The following LSAMP variants were observed in gnomAD, a reference collection of about 807,000 sequenced individuals.
LSAMP encodes the protein limbic system associated membrane protein.
In LSAMP, 7 loss-of-function variants were observed where a neutral mutation model predicts 38.6. The observed-to-expected ratio is 0.18, with a 90% CI of 0.10 to 0.34. LSAMP has a LOEUF of 0.34. Ranked by LOEUF, LSAMP falls within the 10% of genes least tolerant of loss-of-function variation. The pLI is 1.00. For synonymous variants in LSAMP, 154 were observed against 166.8 expected (o/e 0.92, Z 0.59); for missense variants, 313 against 420.0 (o/e 0.75, Z 2.23).
Position 116,208,247 on chromosome 3 carries a change from T to G in LSAMP, c.156-121691A>C, listed in dbSNP as rs1489786871. Among the ~76,000 whole-genome samples the G allele has an allele frequency of 2.0e-5, 3 of 151,506 alleles. No individual in the cohort carries two copies. The East Asian group carries it at 5.8e-4, about 29-fold the overall frequency. ...TAGTTCTTGAGCCTTGGTTTTCAGC[T>G]CCATCAGCTCCTTTAAGCACTTCTC... On this transcript the variant is annotated intron_variant, in intron 1 of 6. Transcript: ENST00000490035.
At chr3:116,430,346 A>T (rs1172789909) in intron 1 of LSAMP, among the ~76,000 whole-genome samples, 1 of 152,212 alleles carries the variant, frequency 6.6e-6, no homozygotes, top group Non-Finnish European at 1.5e-5. Flanking sequence ...CATTAAAAAA[A>T]TCCAAAATAA....
chr3:115,978,450 C>T (rs539326218), intron 3 of LSAMP, among the ~76,000 whole-genome samples: 5 of 151,622 alleles, frequency 3.3e-5, no homozygotes, highest in Non-Finnish European at 7.4e-5. Context: ...GTACTCTTCC[C>T]ACCACATCAA....
intron 1 of LSAMP, among the ~76,000 whole-genome samples, chr3:116,174,011 A>G (rs1037252269): frequency 6.6e-6 from 1 of 151,946 alleles, no homozygotes; most frequent in East Asian, 1.9e-4. Context: ...CAGACTCAGA[A>G]CTTTTCCAAA....
intron 1 of LSAMP, among the ~76,000 whole-genome samples, chr3:116,341,888 T>C (rs967512799): frequency 6.6e-6 from 1 of 152,076 alleles, no homozygotes. Flanking sequence ...GATGTATTTA[T>C]GGAAAAAGGT....
intron 2 of LSAMP, among the ~76,000 whole-genome samples, chr3:116,085,267 A>G (rs996742604): frequency 1.3e-5 from 2 of 152,174 alleles, no homozygotes; most frequent in Non-Finnish European, 2.9e-5. Context: ...CGACTAAAGC[A>G]CCCCTGCACC....
At chr3:116,356,983 C>T (rs986267354) in intron 1 of LSAMP, among the ~76,000 whole-genome samples, 7 of 152,084 alleles carry the variant, frequency 4.6e-5, no homozygotes, top group East Asian at 1.9e-4. Flanking sequence ...TTAGTAGAGA[C>T]GGGGTTTCAC....
rs185267406 is a variant in LSAMP, at chr3:115,947,404, T to A, written c.514+72111A>T. Among the ~76,000 whole-genome samples the A allele has an allele frequency of 2.0e-5, 3 of 152,322 alleles. No homozygotes were observed. The East Asian group carries it at 5.8e-4, about 29-fold the overall frequency. On this transcript the variant is annotated intron_variant, in intron 3 of 6. Coordinates refer to ENST00000490035, the MANE Select transcript of LSAMP (RefSeq NM_002338.5). ...CTGTGCATGAACATATACAGAATAC[T>A]ACTGAGTGAAAGATGTCAAACACGA...
At chr3:116,036,146 A>G (rs1941040249) in intron 2 of LSAMP, among the ~76,000 whole-genome samples, 1 of 152,208 alleles carries the variant, frequency 6.6e-6, no homozygotes, top group African/African-American at 2.4e-5. Context: ...GACTCTGATG[A>G]AAGCATCATT....
intron 1 of LSAMP, among the ~76,000 whole-genome samples, chr3:116,173,303 C>T (rs991666103): frequency 2.6e-5 from 4 of 152,042 alleles, no homozygotes; most frequent in African/African-American, 9.7e-5. Flanking sequence ...AATCCCACTA[C>T]ATTTGTTTTA....
intron 1 of LSAMP, among the ~76,000 whole-genome samples, chr3:116,381,911 T>C (rs985984792): frequency 1.3e-5 from 2 of 152,088 alleles, no homozygotes; most frequent in East Asian, 1.9e-4. Flanking sequence ...TGGAAAACTA[T>C]GTTTTGGAGG....
At position 116,387,393 on chromosome 3, in the gene LSAMP, A is replaced by G. The variant is rs544553375; in HGVS notation, c.155+57484T>C. 2.6e-5 allele frequency among the ~76,000 whole-genome samples: 4 copies of G among 152,306 alleles called. No individual in the cohort carries two copies. In the East Asian group the frequency reaches 7.7e-4, roughly 29 times the overall value. On this transcript the variant is annotated intron_variant, in intron 1 of 6. Coordinates refer to ENST00000490035, the MANE Select transcript of LSAMP (RefSeq NM_002338.5). ...AATGTCAGATACAGAAGAGTCAGAG[A>G]ACATCTAATATATACAGAGGTGTTC...
At chr3:115,827,879 G>T (rs985514878) in intron 6 of LSAMP, among the ~76,000 whole-genome samples, 7 of 152,192 alleles carry the variant, frequency 4.6e-5, no homozygotes, top group Admixed American at 3.9e-4. Flanking sequence ...TATACAAGGG[G>T]AGGTGTAAGG....
chr3:116,292,730 G>C (rs1367624332), intron 1 of LSAMP, among the ~76,000 whole-genome samples: 1 of 152,128 alleles, frequency 6.6e-6, no homozygotes, highest in Non-Finnish European at 1.5e-5. Context: ...AAATGATTTT[G>C]GTTCCCAGCC....
At chr3:116,100,141 G>A (rs1430191963) in intron 1 of LSAMP, among the ~76,000 whole-genome samples, 1 of 151,860 alleles carries the variant, frequency 6.6e-6, no homozygotes, top group Non-Finnish European at 1.5e-5. Context: ...GCTTGCAATG[G>A]CACAATCTTG....
At position 116,082,018 on chromosome 3, in the gene LSAMP, G is replaced by C. The variant is rs547962589; in HGVS notation, c.388+4306C>G. Among the ~76,000 whole-genome samples, 4 of 152,234 alleles carry C rather than the reference G, an allele frequency of 2.6e-5. No individual in the cohort carries two copies. In the East Asian group the frequency reaches 7.7e-4, roughly 29 times the overall value. ...TACGTAAATTGAAAATATGATAAAA[G>C]ATGCGTTGTAAAATATGGTGAATGG... On this transcript the variant is annotated intron_variant, in intron 2 of 6. Coordinates refer to ENST00000490035, the MANE Select transcript of LSAMP (RefSeq NM_002338.5).
intron 3 of LSAMP, among the ~76,000 whole-genome samples, chr3:115,979,612 C>T (rs954069469): frequency 6.6e-6 from 1 of 151,994 alleles, no homozygotes; most frequent in African/African-American, 2.4e-5. Context: ...AGGCTTAGAA[C>T]ATAGTTTCTT....
chr3:116,417,481 C>T (rs963683968), intron 1 of LSAMP, among the ~76,000 whole-genome samples: 1 of 152,204 alleles, frequency 6.6e-6, no homozygotes, highest in African/African-American at 2.4e-5. Context: ...CAGCTGCCTG[C>T]ACTTCAGGGG....
intron 1 of LSAMP, among the ~76,000 whole-genome samples, chr3:116,444,392 A>AACACACAC (rs202044043): frequency 3.5e-5 from 5 of 144,340 alleles, no homozygotes; most frequent in African/African-American, 1.3e-4. Context: ...TGGCATGAAA[A>AACACACAC]ACACACACAC....
intron 1 of LSAMP, among the ~76,000 whole-genome samples, chr3:116,229,612 CAATT>C (rs2046379150): frequency 6.6e-6 from 1 of 151,972 alleles, no homozygotes; most frequent in African/African-American, 2.4e-5. Flanking sequence ...AGAAGAAAAT[CAATT>C]AATATACACT....
Sources: allele counts gnomAD v4.1 joint callset (sites outside exome capture counted in the v4.1 genomes callset), GRCh38; gene constraint gnomAD v4.1.1; transcripts MANE v1.5; gene names NCBI Gene and HGNC (gene_info 2026-07-23, HGNC 2026-07-21).